Variants in PCDH11X observed in about 807,000 individuals in gnomAD.
The protein encoded by PCDH11X is protocadherin-11 X-linked.
A neutral mutation model predicts 53.3 loss-of-function variants in PCDH11X; 18 were observed. The ratio of observed to expected loss-of-function variants is 0.34; its 90% CI spans 0.23 to 0.50. The LOEUF (loss-of-function observed/expected upper bound fraction) is 0.50, where lower values mean the gene tolerates loss of function less well. PCDH11X is among the 20% of genes least tolerant of loss of function. The pLI, the probability that PCDH11X is intolerant of heterozygous loss-of-function variation, is 0.98. For missense variants in PCDH11X, 570 were observed against 1,032.4 expected (o/e 0.55, Z 6.14); for synonymous variants, 279 against 393.3 (o/e 0.71, Z 3.44).
intron 8 of PCDH11X, among the ~76,000 whole-genome samples, chrX:92,289,315 C>T (rs2068445885): frequency 9.0e-6 from 1 of 110,923 alleles, no homozygotes; most frequent in Non-Finnish European, 1.9e-5. Context: ...ACGCAATATA[C>T]AGCACACCGA....
chrX:92,302,213 A>G (rs1182516828), intron 8 of PCDH11X, among the ~76,000 whole-genome samples: 1 of 111,249 alleles, frequency 9.0e-6, no homozygotes. Context: ...ATGATCCCCT[A>G]AGAAAGATAG....
chrX:92,153,410 T>C (rs1178552077), intron 6 of PCDH11X, among the ~76,000 whole-genome samples: 2 of 111,435 alleles, frequency 1.8e-5, no homozygotes, highest in African/African-American at 6.5e-5. Flanking sequence ...GTATTTAGCC[T>C]AGAAATAATA....
rs180963158 is a variant in PCDH11X at position 92,000,408 on chromosome X, T to A, written c.3033+121135T>A. ...TTTCTATTATATTTAAAGTTATACC[T>A]AAGTACATTCTTATTTCCTTTTAAA... On this transcript the variant is annotated intron_variant, in intron 6 of 10. Coordinates refer to ENST00000682573, the MANE Select transcript of PCDH11X (RefSeq NM_032968.5). Among the ~76,000 whole-genome samples the A allele has an allele frequency of 1.9e-3, 209 of 110,388 alleles. 1 individual carries two copies. Among genetic ancestry groups the A allele is most frequent in the East Asian group, 0.017 (58 of 3,488 alleles).
chrX:92,305,706 T>G (rs918811519), intron 8 of PCDH11X, among the ~76,000 whole-genome samples: 4 of 108,972 alleles, frequency 3.7e-5, no homozygotes, highest in Non-Finnish European at 5.7e-5. Context: ...TTCACAAACT[T>G]TTAAAGTGGA....
chrX:92,059,323 C>G (rs937429816), intron 6 of PCDH11X, among the ~76,000 whole-genome samples: 12 of 111,039 alleles, frequency 1.1e-4, no homozygotes, highest in African/African-American at 2.3e-4. Context: ...TCCTCACAAT[C>G]CCATGAGCTA....
intron 6 of PCDH11X, among the ~76,000 whole-genome samples, chrX:91,932,655 G>A (rs1477445603): frequency 1.1e-5 from 1 of 91,867 alleles, no homozygotes; most frequent in African/African-American, 4.0e-5. Flanking sequence ...CATGGTGTAT[G>A]TGTCTGCATT....
intron 6 of PCDH11X, among the ~76,000 whole-genome samples, chrX:92,093,754 T>A (rs2148122670): frequency 9.1e-6 from 1 of 110,471 alleles, no homozygotes; most frequent in Non-Finnish European, 1.9e-5. Context: ...ATGATAAATG[T>A]CTAGTGGAGC....
intron 10 of PCDH11X, among the ~76,000 whole-genome samples, chrX:92,604,339 A>G (rs1926558143): frequency 9.1e-6 from 1 of 110,017 alleles, no homozygotes; most frequent in South Asian, 3.8e-4. Flanking sequence ...TAGGAGTAAT[A>G]TCTCTATGTC....
At chrX:91,790,109 A>C (rs746764182) in intron 1 of PCDH11X, among the ~76,000 whole-genome samples, 55 of 104,206 alleles carry the variant, frequency 5.3e-4, no homozygotes, top group African/African-American at 1.8e-3. Context: ...AAAAAGAAAC[A>C]ATTTAGGTAT....
chrX:92,402,950 G>A (rs1193693113), intron 9 of PCDH11X, among the ~76,000 whole-genome samples: 1 of 111,084 alleles, frequency 9.0e-6, no homozygotes, highest in Non-Finnish European at 1.9e-5. Context: ...TTTTATACGT[G>A]TTTATAATTT....
chrX:92,135,692 G>A (rs1251850639), intron 6 of PCDH11X, among the ~76,000 whole-genome samples: 1 of 109,528 alleles, frequency 9.1e-6, no homozygotes, highest in African/African-American at 3.3e-5. Flanking sequence ...AAATCAAGCT[G>A]TACAGTACCC....
At chrX:91,874,927 G>A (rs921866855) in intron 5 of PCDH11X, among the ~76,000 whole-genome samples, 1 of 97,864 alleles carries the variant, frequency 1.0e-5, no homozygotes, top group African/African-American at 3.7e-5. Flanking sequence ...ATCTTATCCT[G>A]TTCTTTTATG....
Position 92,333,339 on chromosome X carries a change from T to C in PCDH11X, c.3145-54396T>C, listed in dbSNP as rs981040846. The stretch of plus-strand genomic sequence containing the variant: ...TATTTTGTTTTGTTTTTTTCTTTTT[T>C]ATGGCTTGTGTAATAGAGCTGACAA... On this transcript the variant is annotated intron_variant, in intron 8 of 10. Transcript: ENST00000682573. 2.8e-4 allele frequency among the ~76,000 whole-genome samples: 31 copies of C among 111,561 alleles called. 1 individual carries two copies. The highest frequency in any genetic ancestry group is 9.8e-4 in the African/African-American group (30 of 30,726).
At chrX:91,930,449 T>C (rs1602513795) in intron 6 of PCDH11X, among the ~76,000 whole-genome samples, 1 of 104,465 alleles carries the variant, frequency 9.6e-6, no homozygotes, top group South Asian at 4.6e-4. Flanking sequence ...GAAGGGAAGA[T>C]TTTTGGCAGA....
At chrX:92,566,675 C>CA (rs1483069215) in intron 10 of PCDH11X, among the ~76,000 whole-genome samples, 43 of 110,410 alleles carry the variant, frequency 3.9e-4, no homozygotes, top group African/African-American at 1.3e-3. Flanking sequence ...TATAAAAATG[C>CA]AAAAAATCTA....
chrX:92,164,319 G>T (rs1316813142), intron 6 of PCDH11X, among the ~76,000 whole-genome samples: 2 of 111,861 alleles, frequency 1.8e-5, no homozygotes, highest in South Asian at 3.7e-4. Flanking sequence ...ATATAAAGAG[G>T]GTGAAGTAGA....
At position 92,402,669 on chromosome X, in the gene PCDH11X, A is replaced by G. The variant is rs185013069; in HGVS notation, c.3343+14736A>G. Among the ~76,000 whole-genome samples, 3 of 111,698 alleles carry G rather than the reference A, an allele frequency of 2.7e-5. No individual in the cohort carries two copies. The East Asian group carries it at 8.5e-4, about 32-fold the overall frequency. On this transcript the variant is annotated intron_variant, in intron 9 of 10. Coordinates refer to ENST00000682573, the MANE Select transcript of PCDH11X (RefSeq NM_032968.5). Reference sequence around the variant, plus strand: ...AGATTTAAATGTAAAACCCCAAACTATAAAACCCTGGAATACAGCCTAAGC... The same window carrying G: ...AGATTTAAATGTAAAACCCCAAACTGTAAAACCCTGGAATACAGCCTAAGC...
At chrX:91,837,614 G>T (rs1163036433) in intron 5 of PCDH11X, among the ~76,000 whole-genome samples, 1 of 111,658 alleles carries the variant, frequency 9.0e-6, no homozygotes, top group African/African-American at 3.3e-5. Context: ...GCAGAATTGG[G>T]AAGAATAAGC....
At chrX:92,087,892 G>A (rs886078650) in intron 6 of PCDH11X, among the ~76,000 whole-genome samples, 2 of 106,691 alleles carry the variant, frequency 1.9e-5, no homozygotes, top group Non-Finnish European at 3.8e-5. Flanking sequence ...ATTTTACTTA[G>A]TTTGAAAATT....
Sources: gnomAD v4.1 joint callset for allele counts (sites outside exome capture counted in the v4.1 genomes callset) on GRCh38, gnomAD v4.1.1 for gene constraint, MANE v1.5 for transcripts, NCBI Gene and HGNC (gene_info 2026-07-23, HGNC 2026-07-21) for gene names.